The following MINPP1 variants were observed in gnomAD, a reference collection of about 807,000 sequenced individuals.
MINPP1 encodes the protein multiple inositol polyphosphate phosphatase 1.
In MINPP1, 28 loss-of-function variants were observed where a neutral mutation model predicts 46.1. That is an observed-to-expected ratio of 0.61 (90% CI 0.45 to 0.83). The LOEUF (loss-of-function observed/expected upper bound fraction) is 0.83, where lower values mean the gene tolerates loss of function less well. MINPP1 is among the 40% of genes least tolerant of loss of function. The pLI is 0.00. For synonymous variants in MINPP1, 268 were observed against 249.1 expected (o/e 1.08, Z -0.72); for missense variants, 603 against 610.0 (o/e 0.99, Z 0.12).
chr10:87,506,961 C>G (rs74150474), intron 1 of MINPP1, among the ~76,000 whole-genome samples: 1,994 of 152,184 alleles, frequency 0.013, 45 homozygotes, highest in African/African-American at 0.042. Flanking sequence ...GAAAATTCCT[C>G]ATAAATCTGT....
chr10:87,538,667 T>C (rs1174929916), intron 4 of MINPP1, among the ~76,000 whole-genome samples: 1 of 152,248 alleles, frequency 6.6e-6, no homozygotes, highest in Non-Finnish European at 1.5e-5. Flanking sequence ...TGTGGAAGAC[T>C]TAACAACAAA....
intron 1 of MINPP1, among the ~76,000 whole-genome samples, chr10:87,506,397 G>T (rs1162946339): frequency 6.6e-6 from 1 of 152,016 alleles, no homozygotes; most frequent in Non-Finnish European, 1.5e-5. Flanking sequence ...AAATAATAAT[G>T]ATAGCATACA....
chr10:87,508,615 C>A, intron 2 of MINPP1, 82 bp downstream of exon 2: 1 of 1,371,562 alleles, frequency 7.3e-7, no homozygotes, highest in Non-Finnish European at 1.0e-6. Flanking sequence ...AGGAAACAGT[C>A]TTTTTTAAAG....
intron 4 of MINPP1, among the ~76,000 whole-genome samples, chr10:87,523,884 A>G (rs1851537563): frequency 6.6e-6 from 1 of 152,212 alleles, no homozygotes; most frequent in Non-Finnish European, 1.5e-5. Flanking sequence ...AGTAGGCTTC[A>G]AAGAGCCAGT....
intron 4 of MINPP1, among the ~76,000 whole-genome samples, chr10:87,523,841 A>G (rs1227596404): frequency 6.6e-6 from 1 of 152,234 alleles, no homozygotes; most frequent in Non-Finnish European, 1.5e-5. Flanking sequence ...ATATTTTGAA[A>G]GGAATCTTTC....
At chr10:87,516,734 T>C (rs1380775875) in intron 3 of MINPP1, among the ~76,000 whole-genome samples, 2 of 77,250 alleles carry the variant, frequency 2.6e-5, no homozygotes, top group Non-Finnish European at 7.2e-5. Context: ...ATTTATGTTA[T>C]CCATTATTTG....
Position 87,533,808 on chromosome 10 carries a change from T to G in MINPP1, c.1067+12639T>G, listed in dbSNP as rs140609827. Among the ~76,000 whole-genome samples the G allele has an allele frequency of 4.6e-4, 70 of 152,266 alleles. 1 individual carries two copies. The East Asian group carries it at 0.012, about 26-fold the overall frequency. Reference sequence around the variant, plus strand: ...AGCTGTGTAGTCCCATATTTTAACGTAAGATGGCAGCATTGAGATAAATGT... The same window carrying G: ...AGCTGTGTAGTCCCATATTTTAACGGAAGATGGCAGCATTGAGATAAATGT... On this transcript the variant is annotated intron_variant, in intron 4 of 4. Transcript: ENST00000371996.
At chr10:87,543,193 A>G (rs150859321) in intron 4 of MINPP1, among the ~76,000 whole-genome samples, 4 of 152,356 alleles carry the variant, frequency 2.6e-5, no homozygotes, top group Admixed American at 6.5e-5. Flanking sequence ...CTAACAGCCT[A>G]TGATCTAATA....
At chr10:87,550,243 G>T (rs1398869596) in intron 4 of MINPP1, among the ~76,000 whole-genome samples, 1 of 152,066 alleles carries the variant, frequency 6.6e-6, no homozygotes, top group Non-Finnish European at 1.5e-5. Flanking sequence ...TACTTATGCT[G>T]GTCAAACTAA....
chr10:87,525,951 A>C (rs1266874872), intron 4 of MINPP1, among the ~76,000 whole-genome samples: 1 of 152,232 alleles, frequency 6.6e-6, no homozygotes, highest in Non-Finnish European at 1.5e-5. Flanking sequence ...AATCCAGTCT[A>C]TCATTGATGG....
chr10:87,507,739 A>C (rs1249146434), intron 1 of MINPP1: 10 of 687,656 alleles, frequency 1.5e-5, no homozygotes, highest in Non-Finnish European at 1.8e-5. Flanking sequence ...TAATTTATTA[A>C]ATTTTATATA....
At chr10:87,507,661 C>T (rs185204941) in intron 1 of MINPP1, among the ~76,000 whole-genome samples, 19 of 152,138 alleles carry the variant, frequency 1.2e-4, no homozygotes, top group African/African-American at 2.6e-4. Context: ...AAAGGGCACA[C>T]CAGTAGTTGA....
At position 87,520,057 on chromosome 10, in the gene MINPP1, A is replaced by AGTGT. The variant is rs141533495; in HGVS notation, c.934-960_934-957dup. Among the ~76,000 whole-genome samples, 161 of 147,468 alleles carry AGTGT rather than the reference A, an allele frequency of 1.1e-3. 1 individual carries two copies. Among genetic ancestry groups the AGTGT allele is most frequent in the Middle Eastern group, 6.9e-3 (2 of 290 alleles). ...TCATTCTTAGAAATATAAAAGGTAT[A>AGTGT]GTGTGTGTGTGTGTGTGTGTGTTGG... is the stretch of plus-strand genomic sequence containing the variant. On this transcript the variant is annotated intron_variant, in intron 3 of 4. Transcript: ENST00000371996.
chr10:87,515,754 A>T (rs961648070), intron 3 of MINPP1, among the ~76,000 whole-genome samples: 1 of 151,566 alleles, frequency 6.6e-6, no homozygotes, highest in Non-Finnish European at 1.5e-5. Context: ...TTGAAGTTGG[A>T]TGAGTACACA....
At chr10:87,517,166 A>T (rs1851422978) in intron 3 of MINPP1, among the ~76,000 whole-genome samples, 1 of 152,168 alleles carries the variant, frequency 6.6e-6, no homozygotes, top group South Asian at 2.1e-4. Context: ...CTCCCACGAC[A>T]CAAGTTAAAA....
Position 87,505,297 on chromosome 10 carries a change from G to A in MINPP1, c.382G>A (p.Gly128Ser), listed in dbSNP as rs1304771495. 1 of 1,611,012 alleles carries A rather than the reference G, an allele frequency of 6.2e-7. No homozygotes were observed. Among genetic ancestry groups the A allele is most frequent in the Non-Finnish European group, 8.5e-7 (1 of 1,177,672 alleles). ...TAGTAGTACCGGCAGCCGCGACCTG[G>A]GTGCAGCGCTGGCCGACTGGCCTTT... ...GASSTGSRDL[G>S]AALADWPLWY... The change falls in exon 1 of 5, where the codon GGT becomes AGT. Residue 128 changes from glycine (G) to serine (S), a missense_variant. Around this residue, in one of 3 missense-constraint regions of MINPP1, gnomAD observed 239 missense variants for 189.4 expected, o/e 1.26. Transcript: ENST00000371996. The surrounding 1 kb of genome is among the most constrained non-coding windows in gnomAD (Gnocchi z 4.4).
chr10:87,543,364 T>G (rs1851843041), intron 4 of MINPP1, among the ~76,000 whole-genome samples: 1 of 151,954 alleles, frequency 6.6e-6, no homozygotes, highest in Non-Finnish European at 1.5e-5. Flanking sequence ...GAAAAAGAGG[T>G]TATCATGGCC....
In MINPP1 at chr10:87,505,650, A is replaced by G. The variant is rs908883433; in HGVS notation, c.637+98A>G. 1.8e-6 allele frequency: 2 copies of G among 1,086,148 alleles called. No individual in the cohort carries two copies. Among genetic ancestry groups the G allele is most frequent in the African/African-American group, 3.7e-5 (2 of 53,346 alleles). The allele number at this position is 1,086,148 out of a possible 1,614,324, so 67.3% of individuals were successfully genotyped here. A position where few individuals can be genotyped will look rare whatever the true frequency, so the allele number is the denominator to read the frequency against. ...ACCCTGGGCTTTTCCGATGCCCCCC[A>G]GTTCTCTTTCCTCTTTTCCCAAGCC... is the stretch of plus-strand genomic sequence containing the variant. On this transcript the variant is annotated intron_variant, in intron 1 of 4. Coordinates refer to ENST00000371996, the MANE Select transcript of MINPP1 (RefSeq NM_004897.5). This position sits in a 1 kb window ranked among gnomAD's most constrained non-coding sequence, Gnocchi z 4.4.
chr10:87,506,330 A>C (rs928324620), intron 1 of MINPP1, among the ~76,000 whole-genome samples: 1 of 152,160 alleles, frequency 6.6e-6, no homozygotes, highest in Non-Finnish European at 1.5e-5. Flanking sequence ...CTAGTATCCA[A>C]GTCTTCTGTT....
Sources: gnomAD v4.1 joint callset for allele counts (sites outside exome capture counted in the v4.1 genomes callset) on GRCh38, gnomAD v4.1.1 for gene constraint, gnomAD v4.1.1 regional missense constraint, Gnocchi (gnomAD v3.1) non-coding constraint, MANE v1.5 for transcripts, NCBI Gene and HGNC (gene_info 2026-07-23, HGNC 2026-07-21) for gene names.